FANCB: variants seen among roughly 807,000 people sequenced by gnomAD.
FANCB encodes the protein FA complementation group B, also known as Fanconi anemia group B protein.
A neutral mutation model predicts 38.9 loss-of-function variants in FANCB; 5 were observed. The ratio of observed to expected loss-of-function variants is 0.13; its 90% confidence interval spans 0.07 to 0.27. The LOEUF is 0.27. Ranked by LOEUF, FANCB falls within the 10% of genes least tolerant of loss-of-function variation. FANCB has a pLI of 1.00. For synonymous variants in FANCB, 236 were observed against 215.4 expected (o/e 1.10, Z -0.84); for missense variants, 573 against 602.7 (o/e 0.95, Z 0.52).
At chrX:14,867,407 G>T (rs373824659) in intron 2 of FANCB, among the ~76,000 whole-genome samples, 2 of 111,001 alleles carry the variant, frequency 1.8e-5, no homozygotes, top group African/African-American at 6.6e-5. Context: ...GGAACACAAT[G>T]GAGAGGCCAT....
chrX:14,698,468 C>A, the FANCB span, among the ~76,000 whole-genome samples: 1 of 109,141 alleles, frequency 9.2e-6, no homozygotes, highest in South Asian at 4.0e-4. Flanking sequence ...CACCTGAGGG[C>A]AAGAGTTTGA....
At chrX:14,722,336 C>T in the FANCB span, among the ~76,000 whole-genome samples, 2 of 111,230 alleles carry the variant, frequency 1.8e-5, no homozygotes, top group Non-Finnish European at 3.8e-5. Flanking sequence ...TCCACATGGG[C>T]TACTTTGAGT....
chrX:14,745,886 G>C, the FANCB span, among the ~76,000 whole-genome samples: 1 of 107,660 alleles, frequency 9.3e-6, no homozygotes, highest in Non-Finnish European at 1.9e-5. Flanking sequence ...TTTTTTAGTA[G>C]AGACAAGGTT....
chrX:14,730,066 G>C, the FANCB span: 1 of 502,063 alleles, frequency 2.0e-6, no homozygotes, highest in South Asian at 3.0e-5. Context: ...AGTTGAACTT[G>C]AAAGAGAACT....
At chrX:14,689,631 G>T in the FANCB span, among the ~76,000 whole-genome samples, 1 of 111,926 alleles carries the variant, frequency 8.9e-6, no homozygotes, top group South Asian at 3.7e-4. Flanking sequence ...ATGAGTTGTT[G>T]TAAGGGTTAA....
At chrX:14,722,655 T>C in the FANCB span, among the ~76,000 whole-genome samples, 1 of 111,691 alleles carries the variant, frequency 9.0e-6, no homozygotes, top group Non-Finnish European at 1.9e-5. Flanking sequence ...GTCTGTGACT[T>C]CTATATGACA....
chrX:14,817,241 T>C, the FANCB span, among the ~76,000 whole-genome samples: 1 of 111,877 alleles, frequency 8.9e-6, no homozygotes, highest in Admixed American at 9.5e-5. Flanking sequence ...AAAGGTCAGA[T>C]ACATTTCTCA....
At position 14,850,507 on chromosome X, in the gene FANCB, C is replaced by G. The variant is rs199510538; in HGVS notation, c.1494G>C (p.Lys498Asn). Residue 498 changes from lysine (K) to asparagine (N), a missense_variant and splice_region_variant, in exon 7 of 10, where the codon AAG (lysine) becomes AAC (asparagine). Coordinates refer to ENST00000650831, the MANE Select transcript of FANCB (RefSeq NM_001018113.3). ...TTATCATGTTGGAATTTACTTACAG[C>G]TTCAAAGAAGATGTAGTTTTCACTC... is the stretch of plus-strand genomic sequence containing the variant. ...VVGVKTTSSL[K>N]LSLNDVTLSL... 3 of 1,196,478 alleles carry G rather than the reference C, an allele frequency of 2.5e-6. No individual in the cohort carries two copies. In the African/African-American group the frequency reaches 5.3e-5, roughly 21 times the overall value.
chrX:14,806,248 T>C, the FANCB span, among the ~76,000 whole-genome samples: 18 of 111,890 alleles, frequency 1.6e-4, no homozygotes, highest in Non-Finnish European at 2.8e-4. Flanking sequence ...TGAGATGCTG[T>C]GGCCTGAGAA....
chrX:14,843,568 T>C lies in FANCB; in HGVS notation c.2579A>G (p.Ter860=). ...DFAAQKLSNL[*] is the part of the protein sequence containing the mutation. ...AATATGATCAAATTGAAATTATAAT[T>C]ATAAATTACTCAGTTTCTGTGCAGC... The change falls in exon 10 of 10, where the codon TAA becomes TGA. Residue 860 remains the stop codon, a stop_retained_variant. Coordinates refer to ENST00000650831, the MANE Select transcript of FANCB (RefSeq NM_001018113.3). 1 of 1,146,373 alleles carries C rather than the reference T, an allele frequency of 8.7e-7. No individual in the cohort carries two copies. Among genetic ancestry groups the C allele is most frequent in the Non-Finnish European group, 1.2e-6 (1 of 842,596 alleles). The allele number at this position is 1,146,373 out of a possible 1,213,427, so 94.5% of individuals were successfully genotyped here.
the FANCB span, among the ~76,000 whole-genome samples, chrX:14,810,252 A>G: frequency 8.9e-6 from 1 of 112,277 alleles, no homozygotes; most frequent in Non-Finnish European, 1.9e-5. Flanking sequence ...TCTAAAAAGC[A>G]GAGCGCCTCT....
At chrX:14,806,424 G>C in the FANCB span, among the ~76,000 whole-genome samples, 115 of 112,005 alleles carry the variant, frequency 1.0e-3, no homozygotes, top group African/African-American at 3.1e-3. Flanking sequence ...ATGGCACTTT[G>C]TGTTTGTGCA....
At chrX:14,728,613 T>C in the FANCB span, among the ~76,000 whole-genome samples, 2 of 111,828 alleles carry the variant, frequency 1.8e-5, no homozygotes, top group African/African-American at 6.5e-5. Flanking sequence ...CAGGTTGCAA[T>C]GGAATGTTCA....
the FANCB span, among the ~76,000 whole-genome samples, chrX:14,758,356 T>C: frequency 8.9e-6 from 1 of 112,045 alleles, no homozygotes; most frequent in Non-Finnish European, 1.9e-5. Flanking sequence ...TCATCCTCCC[T>C]ATACTACCAC....
At chrX:14,843,343 A>T (rs1240516554), downstream of FANCB, 3 of 353,469 alleles carry the variant, frequency 8.5e-6, no homozygotes, top group Non-Finnish European at 1.5e-5. Context: ...CCAAAAAAAA[A>T]TATCTCCAGA....
At chrX:14,695,271 C>A in the FANCB span, among the ~76,000 whole-genome samples, 1 of 111,034 alleles carries the variant, frequency 9.0e-6, no homozygotes, top group East Asian at 2.8e-4. Flanking sequence ...ATATCACTTG[C>A]AATTGCCTTT....
the FANCB span, among the ~76,000 whole-genome samples, chrX:14,715,480 C>T: frequency 6.3e-5 from 7 of 111,595 alleles, no homozygotes; most frequent in African/African-American, 2.3e-4. Context: ...TATGTCAGAA[C>T]GGGCCCCTGC....
the FANCB span, among the ~76,000 whole-genome samples, chrX:14,729,783 A>G: frequency 9.0e-6 from 1 of 111,158 alleles, no homozygotes; most frequent in African/African-American, 3.3e-5. Flanking sequence ...CCAGGCACAC[A>G]GCACAGGCTC....
chrX:14,870,421 A>G (rs1321755694), intron 1 of FANCB, among the ~76,000 whole-genome samples: 7 of 106,284 alleles, frequency 6.6e-5, no homozygotes, highest in Non-Finnish European at 9.7e-5. Flanking sequence ...AAGATACAGA[A>G]GTAACTAGGG....
Sources: allele counts gnomAD v4.1 joint callset (sites outside exome capture counted in the v4.1 genomes callset), GRCh38; gene constraint gnomAD v4.1.1; transcripts MANE v1.5; gene names NCBI Gene and HGNC (gene_info 2026-07-23, HGNC 2026-07-21).